Variants in PRPF6 observed in about 807,000 individuals in gnomAD.
The protein encoded by PRPF6 is pre-mRNA-processing factor 6.
PRPF6 carries 42 observed loss-of-function variants against 118.3 expected under a neutral mutation model. The ratio of observed to expected loss-of-function variants is 0.35; its 90% CI spans 0.28 to 0.46. The LOEUF (loss-of-function observed/expected upper bound fraction) is 0.46, where lower values mean the gene tolerates loss of function less well. Ranked by LOEUF, PRPF6 falls within the 20% of genes least tolerant of loss-of-function variation. The pLI, the probability that PRPF6 is intolerant of heterozygous loss-of-function variation, is 1.00. For synonymous variants in PRPF6, 481 were observed against 485.1 expected (o/e 0.99, Z 0.11); for missense variants, 662 against 1,255.7 (o/e 0.53, Z 7.15).
At chr20:64,017,487 G>A (rs112271245) in intron 12 of PRPF6, among the ~76,000 whole-genome samples, 145 of 149,070 alleles carry the variant, frequency 9.7e-4, no homozygotes, top group Admixed American at 2.3e-3. Context: ...GATCACAGGC[G>A]TGAGCCGCCG....
chr20:64,003,841 A>G (rs944853975), intron 9 of PRPF6, among the ~76,000 whole-genome samples: 1 of 151,434 alleles, frequency 6.6e-6, no homozygotes, highest in Admixed American at 6.6e-5. Context: ...CTCATGATCC[A>G]CCCGCCTCGG....
chr20:64,021,236 T>TGTGTGTGC (rs1322339527), intron 12 of PRPF6, among the ~76,000 whole-genome samples: 1 of 151,346 alleles, frequency 6.6e-6, no homozygotes, highest in East Asian at 1.9e-4. Flanking sequence ...GCCCCATGTC[T>TGTGTGTGC]GTGTGTGCGT....
At position 63,999,589 on chromosome 20, in the gene PRPF6, TCTC is replaced by T. The variant is rs2123020929; in HGVS notation, c.867-12_867-10del. 6.2e-7 allele frequency: 1 copy of T among 1,613,850 alleles called. No homozygotes were observed. The highest frequency in any genetic ancestry group is 8.5e-7 in the Non-Finnish European group (1 of 1,180,040). On this transcript the variant is annotated splice_polypyrimidine_tract_variant and intron_variant, in intron 7 of 20. Transcript: ENST00000266079. ...CAGCATGGCCTGATGCCGTGTGCACTCTCCCTCTCATAGTGATATCAAGAAGGC... is the reference window on the plus strand; with the variant it reads ...CAGCATGGCCTGATGCCGTGTGCACTCCTCTCATAGTGATATCAAGAAGGC...
intron 6 of PRPF6, 119 bp downstream of exon 6, chr20:63,995,601 T>G (rs1266526389): frequency 6.2e-6 from 7 of 1,129,452 alleles, no homozygotes; most frequent in African/African-American, 4.7e-5. Flanking sequence ...CTCCTCCTCC[T>G]TCTTCTCCTT....
At chr20:63,995,278 G>A (rs2059136235) in intron 5 of PRPF6, 49 bp from the exon 6 acceptor site, 2 of 1,581,340 alleles carry the variant, frequency 1.3e-6, no homozygotes, top group Admixed American at 1.9e-5. Context: ...TCTTGGGCAT[G>A]CAGTGCAAAC....
intron 11 of PRPF6, among the ~76,000 whole-genome samples, chr20:64,013,402 A>C (rs2059223606): frequency 6.6e-6 from 1 of 152,042 alleles, no homozygotes; most frequent in African/African-American, 2.4e-5. Context: ...ATATTTTATG[A>C]CAGTTTGTCT....
At position 64,028,668 on chromosome 20, in the gene PRPF6, G is replaced by A. The variant is rs1289744403; in HGVS notation, c.2431+99G>A. 8.4e-6 allele frequency: 11 copies of A among 1,310,734 alleles called. No individual in the cohort carries two copies. Among genetic ancestry groups the A allele is most frequent in the African/African-American group, 2.9e-5 (2 of 68,650 alleles). 81.2% of individuals were successfully genotyped at this position (1,310,734 alleles called of 1,614,324 possible). On this transcript the variant is annotated intron_variant, in intron 18 of 20. Coordinates refer to ENST00000266079, the MANE Select transcript of PRPF6 (RefSeq NM_012469.4). The surrounding 1 kb of genome is among the most constrained non-coding windows in gnomAD (Gnocchi z 6.5). The stretch of plus-strand genomic sequence containing the variant: ...GGTGCTTCCTGGCTTCCCAGACTCC[G>A]CAGGGCTGGCACTTCCTGAGGGAGT...
intron 14 of PRPF6, 39 bp downstream of exon 14, chr20:64,024,732 C>T (rs375195551): frequency 3.2e-5 from 52 of 1,603,228 alleles, no homozygotes; most frequent in Non-Finnish European, 4.2e-5. Context: ...GGCCTGTGCA[C>T]ACAGGAGCTG....
At chr20:63,981,465 G>T (rs921605029) in intron 1 of PRPF6, 149 bp downstream of exon 1, 7 of 763,670 alleles carry the variant, frequency 9.2e-6, no homozygotes, top group African/African-American at 1.8e-5. Context: ...AACGGGCTTT[G>T]GGGTCAGGAC....
rs969607000 is a variant in PRPF6 at position 63,984,775 on chromosome 20, T to C, written c.241-132T>C. The C allele has an allele frequency of 2.5e-5, 17 of 688,490 alleles. No homozygotes were observed. In the Admixed American group the frequency reaches 2.9e-4, roughly 12 times the overall value. The allele number at this position is 688,490 out of a possible 1,614,324, so 42.6% of individuals were successfully genotyped here. A position where few individuals can be genotyped will look rare whatever the true frequency, so the allele number is the denominator to read the frequency against. ...AGTAGTCACCAGTTATATGGTAGACTGTCCCTTGATTTGGCTTCGTTGGCT... is the reference window on the plus strand; with the variant it reads ...AGTAGTCACCAGTTATATGGTAGACCGTCCCTTGATTTGGCTTCGTTGGCT... On this transcript the variant is annotated intron_variant, in intron 2 of 20. Coordinates refer to ENST00000266079, the MANE Select transcript of PRPF6 (RefSeq NM_012469.4).
At chr20:64,031,090 G>A (rs1307061466) in intron 19 of PRPF6, among the ~76,000 whole-genome samples, 3 of 152,260 alleles carry the variant, frequency 2.0e-5, no homozygotes, top group Non-Finnish European at 4.4e-5. Flanking sequence ...TTTTTCAGGT[G>A]TGCATGTGTC....
intron 12 of PRPF6, among the ~76,000 whole-genome samples, chr20:64,022,018 A>C (rs1372843582): frequency 1.3e-5 from 1 of 74,252 alleles, no homozygotes; most frequent in Admixed American, 1.3e-4. Flanking sequence ...GTGTGTGTGC[A>C]TGCACGTATG....
Position 63,995,382 on chromosome 20 carries a change from G to C in PRPF6, c.671G>C (p.Gly224Ala). The C allele has an allele frequency of 6.2e-7, 1 of 1,614,098 alleles. No individual in the cohort carries two copies. ...GGTGGACTAAACACTCCATACCCAG[G>C]TGGAATGACGCCAGGACTGATGACA... ...YPGGLNTPYP[G>A]GMTPGLMTPG... Residue 224 changes from glycine (G) to alanine (A), a missense_variant, in exon 6 of 21, where the codon GGT becomes GCT. By Grantham distance (60) the Gly-to-Ala change is moderately conservative. Around this residue, in one of 10 missense-constraint regions of PRPF6, gnomAD observed 97 missense variants for 122.6 expected, o/e 0.79. Coordinates refer to ENST00000266079, the MANE Select transcript of PRPF6 (RefSeq NM_012469.4).
chr20:63,996,096 T>A (rs2059139973), intron 6 of PRPF6, among the ~76,000 whole-genome samples: 1 of 152,146 alleles, frequency 6.6e-6, no homozygotes, highest in Non-Finnish European at 1.5e-5. Flanking sequence ...AGTACAGAAC[T>A]CTTTCTGATA....
At chr20:63,993,248 G>A (rs550218472) in intron 3 of PRPF6, among the ~76,000 whole-genome samples, 159 bp from the exon 4 acceptor site, 24 of 138,596 alleles carry the variant, frequency 1.7e-4, no homozygotes, top group African/African-American at 6.6e-4. Flanking sequence ...GTGTGTGTGT[G>A]TGTGTGTGTG....
chr20:63,981,178 GTC>G lies in PRPF6; in HGVS notation c.-64_-63del, dbSNP rs1248829798. 4 of 1,502,002 alleles carry G rather than the reference GTC, an allele frequency of 2.7e-6. No individual in the cohort carries two copies. Among genetic ancestry groups the G allele is most frequent in the African/African-American group, 2.8e-5 (2 of 72,264 alleles). The allele number at this position is 1,502,002 out of a possible 1,614,324, so 93.0% of individuals were successfully genotyped here. A position where few individuals can be genotyped will look rare whatever the true frequency, so the allele number is the denominator to read the frequency against. ...AGTGCATCGGACGTCGAAGCCTAGA[GTC>G]TCTGCGTCTTTCCCTCTTCCGCTGC... On this transcript the variant is annotated 5_prime_UTR_variant, in exon 1 of 21. Coordinates refer to ENST00000266079, the MANE Select transcript of PRPF6 (RefSeq NM_012469.4).
intron 2 of PRPF6, among the ~76,000 whole-genome samples, chr20:63,984,490 C>A (rs1006680996): frequency 4.0e-5 from 6 of 151,810 alleles, no homozygotes; most frequent in African/African-American, 1.5e-4. Context: ...AGTGCCCCCC[C>A]AAAAAAAAGT....
At chr20:64,007,425 T>TCCCCGCCTCCCCTC (rs2059195638) in intron 9 of PRPF6, among the ~76,000 whole-genome samples, 1 of 110,044 alleles carries the variant, frequency 9.1e-6, no homozygotes, top group African/African-American at 3.5e-5. Flanking sequence ...CGCCTCCGCT[T>TCCCCGCCTCCCCTC]CCCTCCCCGC....
intron 12 of PRPF6, among the ~76,000 whole-genome samples, chr20:64,018,096 T>TG (rs2059247104): frequency 6.6e-6 from 1 of 152,124 alleles, no homozygotes; most frequent in Non-Finnish European, 1.5e-5. Context: ...CTCAGGAGGC[T>TG]GAGGTGGGAG....
Sources: allele counts gnomAD v4.1 joint callset (sites outside exome capture counted in the v4.1 genomes callset), GRCh38; gene constraint gnomAD v4.1.1; regional missense constraint gnomAD v4.1.1; non-coding constraint Gnocchi (gnomAD v3.1); transcripts MANE v1.5; gene names NCBI Gene and HGNC (gene_info 2026-07-23, HGNC 2026-07-21).